The following PCDHGA4 variants were observed in gnomAD, a reference collection of about 807,000 sequenced individuals.
PCDHGA4 encodes protocadherin gamma subfamily A, 4, also known as protocadherin gamma-A4.
Under a neutral mutation model 54.6 loss-of-function variants are expected in PCDHGA4, and 38 were observed. The observed-to-expected ratio is 0.70, with a 90% confidence interval of 0.54 to 0.91. The LOEUF (loss-of-function observed/expected upper bound fraction) is 0.91, where lower values mean the gene tolerates loss of function less well. Among genes scored for constraint, PCDHGA4 ranks in the 40% least tolerant of loss-of-function variants. The probability of loss-of-function intolerance (pLI) is 0.00; values close to 1 mark genes in which losing one functional copy is unlikely to be tolerated. For missense variants in PCDHGA4, 1,298 were observed against 1,220.9 expected (o/e 1.06, Z -0.94); for synonymous variants, 511 against 512.9 (o/e 1.00, Z 0.05).
intron 1 of PCDHGA4, chr5:141,385,477 T>C: frequency 7.0e-7 from 1 of 1,433,254 alleles, no homozygotes; most frequent in Non-Finnish European, 9.1e-7. Context: ...GACACTTTAA[T>C]ATAGAACACA....
chr5:141,484,924 T>C (rs1453592037), intron 1 of PCDHGA4: 7 of 484,872 alleles, frequency 1.4e-5, no homozygotes, highest in Non-Finnish European at 2.2e-5. Context: ...ACCCTGCTGC[T>C]GTTGGGACGT....
intron 3 of PCDHGA4, among the ~76,000 whole-genome samples, chr5:141,510,227 C>T (rs1010123412): frequency 1.3e-5 from 2 of 150,454 alleles, no homozygotes; most frequent in African/African-American, 2.5e-5. Context: ...GAGCCGGGAT[C>T]GCGCCACTGC....
intron 1 of PCDHGA4, chr5:141,362,562 C>T (rs1762569349): frequency 6.2e-7 from 1 of 1,608,438 alleles, no homozygotes; most frequent in Non-Finnish European, 8.5e-7. Context: ...TGAAGGTGAG[C>T]TTTAATTAAT....
chr5:141,423,234 C>T, intron 1 of PCDHGA4: 1 of 1,613,918 alleles, frequency 6.2e-7, no homozygotes, highest in South Asian at 1.1e-5. Context: ...CCGACAGCAT[C>T]CCCGAAGTCC....
At chr5:141,365,935 C>A (rs1191838027) in intron 1 of PCDHGA4, 2 of 1,614,106 alleles carry the variant, frequency 1.2e-6, no homozygotes, top group African/African-American at 2.7e-5. Flanking sequence ...TGACAGCCAG[C>A]GACAGTGGGA....
chr5:141,422,330 C>A, intron 1 of PCDHGA4: 1 of 1,548,166 alleles, frequency 6.5e-7, no homozygotes. Flanking sequence ...ACAGTGATTG[C>A]TCTTCTAAAT....
chr5:141,494,894 C>A, intron 2 of PCDHGA4, 29 bp downstream of exon 2: 1 of 1,614,116 alleles, frequency 6.2e-7, no homozygotes, highest in South Asian at 1.1e-5. Flanking sequence ...AGCCCACCCT[C>A]TTCTCTGCGG....
intron 1 of PCDHGA4, chr5:141,383,733 A>G (rs770047743): frequency 6.8e-6 from 11 of 1,613,886 alleles, no homozygotes; most frequent in South Asian, 6.6e-5. Flanking sequence ...GGGAAGTGAC[A>G]TATTCTTTTC....
At chr5:141,381,974 C>T (rs1049134937) in intron 1 of PCDHGA4, among the ~76,000 whole-genome samples, 18 of 151,606 alleles carry the variant, frequency 1.2e-4, no homozygotes, top group Admixed American at 5.9e-4. Flanking sequence ...GGATTACAGG[C>T]GCGCGCCACC....
At chr5:141,435,180 C>G (rs1341148119) in intron 1 of PCDHGA4, among the ~76,000 whole-genome samples, 1 of 152,074 alleles carries the variant, frequency 6.6e-6, no homozygotes, top group African/African-American at 2.4e-5. Context: ...TTTAACTACA[C>G]TTGAGATGGC....
intron 1 of PCDHGA4, chr5:141,410,663 T>C (rs2095415377): frequency 6.4e-7 from 1 of 1,570,102 alleles, no homozygotes; most frequent in Non-Finnish European, 8.6e-7. Flanking sequence ...AATAGTCTAC[T>C]AGTTTCTCAT....
intron 1 of PCDHGA4, chr5:141,405,016 C>T: frequency 6.2e-7 from 1 of 1,614,006 alleles, no homozygotes; most frequent in Non-Finnish European, 8.5e-7. Flanking sequence ...AGGCCTCAGA[C>T]CTTACCCTCT....
chr5:141,374,091 C>A, intron 1 of PCDHGA4: 1 of 1,536,766 alleles, frequency 6.5e-7, no homozygotes, highest in Non-Finnish European at 8.8e-7. Context: ...GTAATGGCGC[C>A]TCCGCAGAGG....
At chr5:141,410,561 G>A (rs201832666) in intron 1 of PCDHGA4, 1 of 1,612,698 alleles carries the variant, frequency 6.2e-7, no homozygotes, top group Non-Finnish European at 8.5e-7. Flanking sequence ...TTCTCCTGGA[G>A]CCTTAATTCC....
At position 141,431,398 on chromosome 5, in the gene PCDHGA4, G is replaced by A. The variant is rs1052461071; in HGVS notation, c.2515-63409G>A. ...AGGCTGCTCACCACCTGGTCCTTACGGCCTCCGACGGGGGCGACCCGGTGC... is the reference window on the plus strand; with the variant it reads ...AGGCTGCTCACCACCTGGTCCTTACAGCCTCCGACGGGGGCGACCCGGTGC... On this transcript the variant is annotated intron_variant, in intron 1 of 3. Coordinates refer to ENST00000571252, the MANE Select transcript of PCDHGA4 (RefSeq NM_018917.4). This position sits in a 1 kb window ranked among gnomAD's most constrained non-coding sequence, Gnocchi z 4.8. The A allele has an allele frequency of 6.8e-6, 11 of 1,613,768 alleles. No homozygotes were observed. Among genetic ancestry groups the A allele is most frequent in the Non-Finnish European group, 9.3e-6 (11 of 1,180,036 alleles).
chr5:141,385,212 C>T, intron 1 of PCDHGA4: 1 of 1,614,230 alleles, frequency 6.2e-7, no homozygotes, highest in Non-Finnish European at 8.5e-7. Context: ...TGATCTTCCC[C>T]CAGCCCAACT....
intron 1 of PCDHGA4, chr5:141,371,856 T>C (rs758069791): frequency 1.9e-6 from 3 of 1,613,462 alleles, no homozygotes; most frequent in Admixed American, 3.3e-5. Context: ...TGGCCTTGTC[T>C]CCTACTACAT....
At chr5:141,421,434 C>T (rs1247535353) in intron 1 of PCDHGA4, 1 of 1,613,980 alleles carries the variant, frequency 6.2e-7, no homozygotes, top group Non-Finnish European at 8.5e-7. Context: ...GCATCGTCTC[C>T]AGAGGGAAGA....
At chr5:141,494,305 C>T (rs544773836) in intron 1 of PCDHGA4, among the ~76,000 whole-genome samples, 1 of 152,346 alleles carries the variant, frequency 6.6e-6, no homozygotes, top group East Asian at 1.9e-4. Context: ...GAATGTGTCA[C>T]TGCACAACCT....
Sources: allele counts gnomAD v4.1 joint callset (sites outside exome capture counted in the v4.1 genomes callset), GRCh38; gene constraint gnomAD v4.1.1; non-coding constraint Gnocchi (gnomAD v3.1); transcripts MANE v1.5; gene names NCBI Gene and HGNC (gene_info 2026-07-23, HGNC 2026-07-21).